Variants in POLR2B observed in about 807,000 individuals in gnomAD.
POLR2B encodes DNA-directed RNA polymerase II subunit RPB2.
POLR2B carries 57 observed loss-of-function variants against 144.6 expected under a neutral mutation model. That is an observed-to-expected ratio of 0.39 (90% CI 0.32 to 0.49). The LOEUF (loss-of-function observed/expected upper bound fraction) is 0.49, where lower values mean the gene tolerates loss of function less well. POLR2B is among the 20% of genes least tolerant of loss of function. POLR2B has a pLI of 0.83. For synonymous variants in POLR2B, 442 were observed against 469.8 expected, an observed-to-expected ratio of 0.94 and a Z score of 0.77; for missense variants, 595 against 1,467.4, an observed-to-expected ratio of 0.41 and a Z score of 9.71.
Position 56,999,587 on chromosome 4 carries a change from T to C in POLR2B, c.736-30T>C, listed in dbSNP as rs1279804132. Reference sequence around the variant, plus strand: ...TATATTGCTGTGAGCTTTTGTATATTCATGTTCTAATGATACTTTATTTTT... The same window carrying C: ...TATATTGCTGTGAGCTTTTGTATATCCATGTTCTAATGATACTTTATTTTT... On this transcript the variant is annotated intron_variant, in intron 6 of 24. Coordinates refer to ENST00000314595, the MANE Select transcript of POLR2B (RefSeq NM_000938.3). The C allele has an allele frequency of 2.0e-6, 3 of 1,503,412 alleles. No individual in the cohort carries two copies. The South Asian group carries it at 3.6e-5, about 18-fold the overall frequency. The allele number at this position is 1,503,412 out of a possible 1,614,324, so 93.1% of individuals were successfully genotyped here.
At position 57,023,958 on chromosome 4, in the gene POLR2B, G is replaced by T; in HGVS notation, c.2857-47G>T. 9.4e-7 allele frequency: 1 copy of T among 1,066,888 alleles called. No homozygotes were observed. Among genetic ancestry groups the T allele is most frequent in the Non-Finnish European group, 1.4e-6 (1 of 720,134 alleles). 66.1% of individuals were successfully genotyped at this position (1,066,888 alleles called of 1,614,324 possible). ...TGGGAGAACTGAAATGTCAGTTCTA[G>T]TTTAGTATATGTATCTTTGAGTCCC... On this transcript the variant is annotated intron_variant, in intron 20 of 24. Transcript: ENST00000314595. This position sits in a 1 kb window ranked among gnomAD's most constrained non-coding sequence, Gnocchi z 4.3.
At chr4:57,013,041 A>G (rs898090580) in intron 13 of POLR2B, among the ~76,000 whole-genome samples, 2 of 152,014 alleles carry the variant, frequency 1.3e-5, no homozygotes, top group Non-Finnish European at 2.9e-5. Flanking sequence ...GGGTTTCTCC[A>G]TGTTGGCCAG....
chr4:57,012,825 C>T (rs552672702), intron 13 of POLR2B, among the ~76,000 whole-genome samples: 9 of 151,276 alleles, frequency 5.9e-5, no homozygotes, highest in African/African-American at 1.2e-4. Context: ...CCACCATGCC[C>T]GGCTAATTTT....
intron 10 of POLR2B, chr4:57,010,087 T>A (rs1723142045): frequency 1.5e-5 from 5 of 334,524 alleles, no homozygotes; most frequent in Admixed American, 1.3e-4. Context: ...AAAACAATTT[T>A]AAAAAATTCC....
At chr4:57,006,525 A>G (rs1219524608) in intron 9 of POLR2B, among the ~76,000 whole-genome samples, 1 of 152,126 alleles carries the variant, frequency 6.6e-6, no homozygotes, top group Non-Finnish European at 1.5e-5. Context: ...GGCTGGTCTC[A>G]AACTCCTGAC....
Position 57,004,018 on chromosome 4 carries a change from A to G in POLR2B, c.901-1228A>G, listed in dbSNP as rs1189554168. The stretch of plus-strand genomic sequence containing the variant: ...AAATATTAGGTTTAATTTAAATTAA[A>G]TCTTTTTTTTTTTTTTTTTTTTTTT... On this transcript the variant is annotated intron_variant, in intron 7 of 24. Coordinates refer to ENST00000314595, the MANE Select transcript of POLR2B (RefSeq NM_000938.3). Among the ~76,000 whole-genome samples the G allele has an allele frequency of 2.6e-5, 3 of 114,248 alleles. No individual in the cohort carries two copies. The East Asian group carries it at 8.8e-4, about 33-fold the overall frequency. 75.0% of individuals were successfully genotyped at this position (114,248 alleles called of 152,430 possible). A position where few individuals can be genotyped will look rare whatever the true frequency, so the allele number is the denominator to read the frequency against.
intron 23 of POLR2B, among the ~76,000 whole-genome samples, chr4:57,026,594 G>A (rs942108104): frequency 3.3e-5 from 5 of 151,768 alleles, no homozygotes; most frequent in African/African-American, 1.2e-4. Flanking sequence ...CTCATTACGT[G>A]TTAACATAAA....
At chr4:56,988,343 CT>C (rs1175114547) in intron 2 of POLR2B, among the ~76,000 whole-genome samples, 33 of 151,992 alleles carry the variant, frequency 2.2e-4, no homozygotes, top group Non-Finnish European at 3.1e-4. Context: ...GAAAGGGCCC[CT>C]GGCCACAGGT....
At chr4:57,020,374 T>G (rs1246274333) in intron 16 of POLR2B, among the ~76,000 whole-genome samples, 1 of 152,136 alleles carries the variant, frequency 6.6e-6, no homozygotes, top group Admixed American at 6.6e-5. Flanking sequence ...CAAAGTGTTT[T>G]GGCAGCAGCA....
intron 7 of POLR2B, among the ~76,000 whole-genome samples, chr4:57,004,216 G>A (rs867973109): frequency 6.6e-6 from 1 of 151,692 alleles, no homozygotes; most frequent in African/African-American, 2.4e-5. Context: ...TAGTAGAGAC[G>A]GGGTTTCACT....
intron 2 of POLR2B, among the ~76,000 whole-genome samples, chr4:56,990,212 G>A (rs1165437668): frequency 6.6e-6 from 1 of 151,808 alleles, no homozygotes; most frequent in Admixed American, 6.6e-5. Flanking sequence ...AATAAAATTT[G>A]TCCATAAAGG....
intron 7 of POLR2B, among the ~76,000 whole-genome samples, chr4:57,000,968 T>C (rs1722834005): frequency 6.6e-6 from 1 of 152,202 alleles, no homozygotes; most frequent in Admixed American, 6.5e-5. Flanking sequence ...AGTGATAGGA[T>C]TACAACAATA....
rs906862571 is a variant in POLR2B at position 56,996,414 on chromosome 4, G to A, written c.735+1005G>A. On this transcript the variant is annotated intron_variant, in intron 6 of 24. Coordinates refer to ENST00000314595, the MANE Select transcript of POLR2B (RefSeq NM_000938.3). ...TCCTGCCTCAGCCTCCCGAGTAGCTGGGACTACAGGCGCCCGCCACCGCGC... is the reference window on the plus strand; with the variant it reads ...TCCTGCCTCAGCCTCCCGAGTAGCTAGGACTACAGGCGCCCGCCACCGCGC... Among the ~76,000 whole-genome samples, 75 of 150,098 alleles carry A rather than the reference G, an allele frequency of 5.0e-4. No homozygotes were observed. The Admixed American group carries it at 5.0e-3, about 10-fold the overall frequency.
chr4:57,014,778 C>T (rs1209507463), intron 13 of POLR2B, among the ~76,000 whole-genome samples: 4 of 152,092 alleles, frequency 2.6e-5, no homozygotes, highest in African/African-American at 9.7e-5. Flanking sequence ...TGCGGGATTA[C>T]AGGCTTGAGC....
chr4:57,004,865 G>C (rs1404346114), intron 7 of POLR2B, among the ~76,000 whole-genome samples: 1 of 152,100 alleles, frequency 6.6e-6, no homozygotes, highest in Non-Finnish European at 1.5e-5. Flanking sequence ...TGTATTTTTA[G>C]TAGAGATGGG....
chr4:57,017,270 G>C lies in POLR2B; in HGVS notation c.2154+29G>C. ...GGTATCACTTTTTGTCTTCTGGTGT[G>C]AGGAATTGGGAGAAGTAATAAAAAT... On this transcript the variant is annotated intron_variant, in intron 15 of 24. Coordinates refer to ENST00000314595, the MANE Select transcript of POLR2B (RefSeq NM_000938.3). This position sits in a 1 kb window ranked among gnomAD's most constrained non-coding sequence, Gnocchi z 4.8. The C allele has an allele frequency of 6.8e-7, 1 of 1,465,626 alleles. No homozygotes were observed. The highest frequency in any genetic ancestry group is 1.4e-5 in the African/African-American group (1 of 71,708). 90.8% of individuals were successfully genotyped at this position (1,465,626 alleles called of 1,614,324 possible).
chr4:56,988,844 C>T (rs1205664004), intron 2 of POLR2B, among the ~76,000 whole-genome samples: 2 of 152,038 alleles, frequency 1.3e-5, no homozygotes, highest in South Asian at 2.1e-4. Context: ...TCTACATTCT[C>T]CCGGTAGAAA....
At chr4:56,986,262 T>C (rs1328791941) in intron 1 of POLR2B, 92 bp from the exon 2 acceptor site, 3 of 804,542 alleles carry the variant, frequency 3.7e-6, no homozygotes, top group East Asian at 2.4e-5. Flanking sequence ...CAGCAGAAAG[T>C]AAATATGTTT....
chr4:57,010,121 T>C (rs1723142962), intron 10 of POLR2B: 1 of 417,156 alleles, frequency 2.4e-6, no homozygotes. Flanking sequence ...ACTAATGTCC[T>C]AGTGTTTGTT....
Sources: gnomAD v4.1 joint callset for allele counts (sites outside exome capture counted in the v4.1 genomes callset) on GRCh38, gnomAD v4.1.1 for gene constraint, Gnocchi (gnomAD v3.1) non-coding constraint, MANE v1.5 for transcripts, NCBI Gene and HGNC (gene_info 2026-07-23, HGNC 2026-07-21) for gene names.